Variants in XKR6 observed in about 807,000 individuals in gnomAD.
XKR6 encodes the protein XK-related protein 6.
XKR6 carries 22 observed loss-of-function variants against 56.7 expected under a neutral mutation model. The observed-to-expected ratio is 0.39, with a 90% confidence interval of 0.28 to 0.55. XKR6 has a LOEUF of 0.55. Ranked by LOEUF, XKR6 falls within the 20% of genes least tolerant of loss-of-function variation. The pLI, the probability that XKR6 is intolerant of heterozygous loss-of-function variation, is 0.66. For synonymous variants in XKR6, 524 were observed against 387.8 expected, an observed-to-expected ratio of 1.35 and a Z score of -4.13; for missense variants, 852 against 889.0, an observed-to-expected ratio of 0.96 and a Z score of 0.53.
At chr8:11,081,103 A>C (rs1797708957) in intron 1 of XKR6, among the ~76,000 whole-genome samples, 1 of 152,242 alleles carries the variant, frequency 6.6e-6, no homozygotes, top group African/African-American at 2.4e-5. Context: ...TAAGGACTGC[A>C]AGAAGCCGTC....
intron 1 of XKR6, among the ~76,000 whole-genome samples, chr8:11,060,561 T>C (rs550120444): frequency 2.6e-5 from 4 of 152,188 alleles, no homozygotes; most frequent in African/African-American, 7.2e-5. Flanking sequence ...TCTGTTTGGG[T>C]TTTTCTCCTG....
chr8:10,946,698 A>G (rs1001737002), intron 1 of XKR6, among the ~76,000 whole-genome samples: 5 of 152,076 alleles, frequency 3.3e-5, no homozygotes, highest in African/African-American at 4.8e-5. Context: ...CTCCTACTGC[A>G]TGCCAGGCAC....
At chr8:11,046,197 G>C (rs971993928) in intron 1 of XKR6, among the ~76,000 whole-genome samples, 57 of 152,256 alleles carry the variant, frequency 3.7e-4, no homozygotes, top group Non-Finnish European at 6.6e-4. Flanking sequence ...CCAGGAGTTT[G>C]AGACCAGCCT....
chr8:11,185,085 G>A (rs773414973), intron 1 of XKR6, among the ~76,000 whole-genome samples: 22 of 152,176 alleles, frequency 1.4e-4, no homozygotes, highest in Admixed American at 2.6e-4. Flanking sequence ...CATTTACCTG[G>A]TCCCAGTCTA....
chr8:10,929,082 G>A (rs964270923), intron 1 of XKR6, among the ~76,000 whole-genome samples: 3 of 152,198 alleles, frequency 2.0e-5, no homozygotes, highest in African/African-American at 7.2e-5. Context: ...TCCCATCACA[G>A]GAGGGGCAGG....
At chr8:10,973,021 A>G (rs577184632) in intron 1 of XKR6, among the ~76,000 whole-genome samples, 3 of 152,332 alleles carry the variant, frequency 2.0e-5, no homozygotes, top group Admixed American at 2.0e-4. Flanking sequence ...CCCATTCAGT[A>G]GGACTTTGCT....
At chr8:11,135,296 T>C (rs1217066379) in intron 1 of XKR6, among the ~76,000 whole-genome samples, 2 of 152,192 alleles carry the variant, frequency 1.3e-5, no homozygotes, top group African/African-American at 2.4e-5. Context: ...CCCAAAGTGC[T>C]GGGATTACAG....
At chr8:11,083,880 G>A (rs1417421497) in intron 1 of XKR6, among the ~76,000 whole-genome samples, 1 of 151,816 alleles carries the variant, frequency 6.6e-6, no homozygotes, top group African/African-American at 2.4e-5. Flanking sequence ...AGGAAATGCA[G>A]AAATGAATAA....
At chr8:11,074,155 A>G (rs956318051) in intron 1 of XKR6, among the ~76,000 whole-genome samples, 1 of 152,212 alleles carries the variant, frequency 6.6e-6, no homozygotes, top group Admixed American at 6.5e-5. Context: ...AGGGAATCTG[A>G]GTATTTCTCC....
chr8:11,139,575 G>A (rs1412465669), intron 1 of XKR6, among the ~76,000 whole-genome samples: 1 of 152,116 alleles, frequency 6.6e-6, no homozygotes, highest in East Asian at 1.9e-4. Flanking sequence ...TCGGAAAACA[G>A]ATGCTCCAGG....
intron 1 of XKR6, chr8:11,124,198 A>T (rs1799635600): frequency 2.8e-6 from 1 of 356,392 alleles, no homozygotes; most frequent in African/African-American, 2.1e-5. Flanking sequence ...GAAAAAAGCC[A>T]ACCTTAATGC....
At chr8:11,198,869 G>A (rs1804039620) in intron 1 of XKR6, among the ~76,000 whole-genome samples, 1 of 150,980 alleles carries the variant, frequency 6.6e-6, no homozygotes, top group South Asian at 2.1e-4. Flanking sequence ...TCCCTCCCCT[G>A]CTTCATTCCT....
At chr8:11,187,619 C>A (rs1803343505) in intron 1 of XKR6, among the ~76,000 whole-genome samples, 2 of 152,026 alleles carry the variant, frequency 1.3e-5, no homozygotes, top group South Asian at 2.1e-4. Context: ...TAGAAAAAAA[C>A]AACAAAAAAG....
chr8:11,137,501 A>C (rs1046844758), intron 1 of XKR6: 10 of 454,796 alleles, frequency 2.2e-5, no homozygotes, highest in African/African-American at 2.0e-4. Flanking sequence ...TCTCTGCTAC[A>C]CTAACCTAGG....
intron 1 of XKR6, among the ~76,000 whole-genome samples, chr8:10,980,281 G>C (rs1294776662): frequency 6.6e-6 from 1 of 152,190 alleles, no homozygotes; most frequent in Non-Finnish European, 1.5e-5. Context: ...GGCTGCAGGG[G>C]AAGGGGCCAG....
intron 1 of XKR6, among the ~76,000 whole-genome samples, chr8:11,103,533 T>C (rs755784715): frequency 1.1e-4 from 16 of 152,218 alleles, no homozygotes; most frequent in Admixed American, 4.6e-4. Context: ...AATGGGGCTT[T>C]TAAAATGGCA....
chr8:11,037,540 T>A (rs906137778), intron 1 of XKR6, among the ~76,000 whole-genome samples: 3 of 152,122 alleles, frequency 2.0e-5, no homozygotes, highest in Non-Finnish European at 4.4e-5. Flanking sequence ...GCTGTATTTC[T>A]CAATACTGTG....
At chr8:11,093,557 G>C (rs183492032) in intron 1 of XKR6, among the ~76,000 whole-genome samples, 193 of 152,330 alleles carry the variant, frequency 1.3e-3, no homozygotes, top group Middle Eastern at 6.8e-3. Context: ...ATAATAGCCA[G>C]ATGTTGGCAA....
In XKR6 at chr8:11,191,256, C is replaced by T. The variant is rs113894897; in HGVS notation, c.764+9320G>A. Reference sequence around the variant, plus strand: ...CCAGGGAGCCTGTTTAAAACACATACACCCACCAACAACAACTACTTAATA... The same window carrying T: ...CCAGGGAGCCTGTTTAAAACACATATACCCACCAACAACAACTACTTAATA... On this transcript the variant is annotated intron_variant, in intron 1 of 2. Transcript: ENST00000416569. Among the ~76,000 whole-genome samples the T allele has an allele frequency of 1.9e-3, 291 of 152,298 alleles. 1 individual carries two copies. Among genetic ancestry groups the T allele is most frequent in the African/African-American group, 6.7e-3 (278 of 41,564 alleles).
Sources: gnomAD v4.1 joint callset for allele counts (sites outside exome capture counted in the v4.1 genomes callset) on GRCh38, gnomAD v4.1.1 for gene constraint, MANE v1.5 for transcripts, NCBI Gene and HGNC (gene_info 2026-07-23, HGNC 2026-07-21) for gene names.